The following SESTD1 variants were observed in gnomAD, a reference collection of about 807,000 sequenced individuals.
SESTD1 encodes SEC14 domain and spectrin repeat-containing protein 1.
SESTD1 carries 43 observed loss-of-function variants against 101.7 expected under a neutral mutation model. That is an observed-to-expected ratio of 0.42 (90% CI 0.33 to 0.55). SESTD1 has a LOEUF of 0.55. Among genes scored for constraint, SESTD1 ranks in the 20% least tolerant of loss-of-function variants. The pLI, the probability that SESTD1 is intolerant of heterozygous loss-of-function variation, is 0.07. For synonymous variants in SESTD1, 283 were observed against 286.8 expected, an observed-to-expected ratio of 0.99 and a Z score of 0.13; for missense variants, 647 against 815.1, an observed-to-expected ratio of 0.79 and a Z score of 2.51.
chr2:179,136,052 GA>G (rs1419056378), intron 9 of SESTD1, among the ~76,000 whole-genome samples: 3 of 151,854 alleles, frequency 2.0e-5, no homozygotes, highest in Non-Finnish European at 4.4e-5. Flanking sequence ...ATTTTTTCAC[GA>G]AAGAGACAGG....
intron 1 of SESTD1, among the ~76,000 whole-genome samples, chr2:179,231,564 A>G (rs2046988344): frequency 6.6e-6 from 1 of 151,872 alleles, no homozygotes; most frequent in Non-Finnish European, 1.5e-5. Flanking sequence ...CACATCATAG[A>G]GAAATAAAGA....
At chr2:179,240,255 C>T (rs1212158071) in intron 1 of SESTD1, among the ~76,000 whole-genome samples, 2 of 152,144 alleles carry the variant, frequency 1.3e-5, no homozygotes, top group African/African-American at 4.8e-5. Flanking sequence ...GACGAAGAAA[C>T]TTAGATGATG....
At chr2:179,236,375 C>T (rs1205701089) in intron 1 of SESTD1, among the ~76,000 whole-genome samples, 1 of 141,438 alleles carries the variant, frequency 7.1e-6, no homozygotes, top group Non-Finnish European at 1.5e-5. Flanking sequence ...CACATGTCTA[C>T]AGCCCTAGCT....
rs78948158 is a variant in SESTD1, at chr2:179,218,956, G to A, written c.-25-27090C>T. 2.6e-4 allele frequency among the ~76,000 whole-genome samples: 39 copies of A among 152,290 alleles called. 1 individual carries two copies. In the East Asian group the frequency reaches 7.5e-3, roughly 29 times the overall value. ...AACAATAAAATGAACAAATGGTAAA[G>A]CAAAACACTTACTCTAAGAATCCTA... On this transcript the variant is annotated intron_variant, in intron 1 of 17. Transcript: ENST00000428443.
At chr2:179,110,331 A>C (rs1419525705) in intron 17 of SESTD1, among the ~76,000 whole-genome samples, 1 of 152,236 alleles carries the variant, frequency 6.6e-6, no homozygotes, top group Non-Finnish European at 1.5e-5. Context: ...ATGTGGGTCC[A>C]GAAGGATGCA....
chr2:179,102,659 G>C lies in SESTD1; in HGVS notation c.*7240C>G, dbSNP rs1459669849. ...TACATATTTTTGAAAATGAGCATTA[G>C]AAACACACAGATGATTATAATTCTA... On this transcript the variant is annotated 3_prime_UTR_variant, in exon 18 of 18. Transcript: ENST00000428443. 1 of 151,996 alleles carries C rather than the reference G, an allele frequency of 6.6e-6. No individual in the cohort carries two copies. The highest frequency in any genetic ancestry group is 1.5e-5 in the Non-Finnish European group (1 of 67,992). 9.4% of individuals were successfully genotyped at this position (151,996 alleles called of 1,614,324 possible). A position where few individuals can be genotyped will look rare whatever the true frequency, so the allele number is the denominator to read the frequency against.
At chr2:179,242,192 C>A (rs12997314) in intron 1 of SESTD1, among the ~76,000 whole-genome samples, 70,698 of 151,848 alleles carry the variant, frequency 0.47, 20,132 homozygotes, top group African/African-American at 0.81. Context: ...GTGAGAGCCA[C>A]ATCAAAAATA....
At chr2:179,160,958 G>T (rs1281294688) in intron 5 of SESTD1, among the ~76,000 whole-genome samples, 1 of 151,472 alleles carries the variant, frequency 6.6e-6, no homozygotes, top group Non-Finnish European at 1.5e-5. Flanking sequence ...TAGAGACAGG[G>T]TCTCTCTCTG....
chr2:179,242,737 T>C (rs577455796), intron 1 of SESTD1, among the ~76,000 whole-genome samples: 155 of 152,266 alleles, frequency 1.0e-3, no homozygotes, highest in African/African-American at 3.3e-3. Flanking sequence ...GCTGGGATAA[T>C]TGGCTAGCCA....
intron 4 of SESTD1, among the ~76,000 whole-genome samples, chr2:179,173,865 C>A (rs1413412433): frequency 6.6e-6 from 1 of 152,020 alleles, no homozygotes; most frequent in Non-Finnish European, 1.5e-5. Flanking sequence ...AATTCAAGGG[C>A]CCAACCTCTG....
chr2:179,179,052 C>A (rs968770285), intron 3 of SESTD1, among the ~76,000 whole-genome samples: 6 of 152,162 alleles, frequency 3.9e-5, no homozygotes, highest in African/African-American at 1.4e-4. Context: ...TGAAAATACA[C>A]AGAATCCAAA....
chr2:179,172,367 A>G (rs975753250), intron 4 of SESTD1, 134 bp from the exon 5 acceptor site: 20 of 517,622 alleles, frequency 3.9e-5, no homozygotes, highest in African/African-American at 3.7e-4. Context: ...TAAAGAAGAA[A>G]TTCTCTAGAC....
chr2:179,222,375 A>G (rs2046827985), intron 1 of SESTD1, among the ~76,000 whole-genome samples: 1 of 152,176 alleles, frequency 6.6e-6, no homozygotes, highest in Non-Finnish European at 1.5e-5. Flanking sequence ...TTAAGTGAGC[A>G]AATTTGTATA....
chr2:179,227,473 G>C (rs2046905624), intron 1 of SESTD1, among the ~76,000 whole-genome samples: 1 of 152,142 alleles, frequency 6.6e-6, no homozygotes, highest in Non-Finnish European at 1.5e-5. Flanking sequence ...GTTTTTGCTA[G>C]CAAGTATTTC....
intron 1 of SESTD1, among the ~76,000 whole-genome samples, chr2:179,242,772 G>A (rs1423973081): frequency 6.6e-6 from 1 of 152,114 alleles, no homozygotes; most frequent in Non-Finnish European, 1.5e-5. Context: ...AAACCGGACA[G>A]TACCTTTTAC....
chr2:179,112,996 C>G (rs17454087), intron 16 of SESTD1, 151 bp from the exon 17 acceptor site: 68,591 of 1,024,282 alleles, frequency 0.067, 2,876 homozygotes, highest in Middle Eastern at 0.17. Flanking sequence ...AAGGCATTTT[C>G]TTGTTCTTAG....
intron 1 of SESTD1, among the ~76,000 whole-genome samples, chr2:179,215,436 C>T (rs1380391008): frequency 7.5e-6 from 1 of 133,996 alleles, no homozygotes; most frequent in African/African-American, 3.0e-5. Flanking sequence ...CAAGATTAAA[C>T]CAGGGAGAAG....
In SESTD1 at chr2:179,214,751, G is replaced by C. The variant is rs758973240; in HGVS notation, c.-25-22885C>G. The stretch of plus-strand genomic sequence containing the variant: ...ACGTAATTGGAAGTAAAGCACTTCT[G>C]AGCAAATGTAAAAGAACAGAAATCA... On this transcript the variant is annotated intron_variant, in intron 1 of 17. Coordinates refer to ENST00000428443, the MANE Select transcript of SESTD1 (RefSeq NM_178123.5). 5.2e-5 allele frequency among the ~76,000 whole-genome samples: 7 copies of C among 134,710 alleles called. 2 individuals carry two copies. In the South Asian group the frequency reaches 2.0e-3, roughly 39 times the overall value. The allele number at this position is 134,710 out of a possible 152,430, so 88.4% of individuals were successfully genotyped here.
intron 9 of SESTD1, among the ~76,000 whole-genome samples, chr2:179,139,319 A>G (rs1037705485): frequency 6.6e-5 from 10 of 152,190 alleles, no homozygotes; most frequent in Non-Finnish European, 1.3e-4. Flanking sequence ...CACATCACAC[A>G]GTGACTCCTT....
Sources: allele counts gnomAD v4.1 joint callset (sites outside exome capture counted in the v4.1 genomes callset), GRCh38; gene constraint gnomAD v4.1.1; transcripts MANE v1.5; gene names NCBI Gene and HGNC (gene_info 2026-07-23, HGNC 2026-07-21).